The following PCDHGA11 variants were observed in gnomAD, a reference collection of about 807,000 sequenced individuals.
PCDHGA11 encodes protocadherin gamma-A11.
A neutral mutation model predicts 60.4 loss-of-function variants in PCDHGA11; 39 were observed. The observed-to-expected ratio is 0.65, with a 90% CI of 0.50 to 0.84. The LOEUF is 0.84. Ranked by LOEUF, PCDHGA11 falls within the 40% of genes least tolerant of loss-of-function variation. PCDHGA11 has a pLI of 0.00. For synonymous variants in PCDHGA11, 533 were observed against 510.3 expected, an observed-to-expected ratio of 1.04 and a Z score of -0.60; for missense variants, 1,165 against 1,197.7, an observed-to-expected ratio of 0.97 and a Z score of 0.40.
rs146734417 is a variant in PCDHGA11, at chr5:141,431,409, G to T, written c.2433+7749G>T. The T allele has an allele frequency of 1.9e-6, 3 of 1,613,722 alleles. No homozygotes were observed. Among genetic ancestry groups the T allele is most frequent in the Non-Finnish European group, 2.5e-6 (3 of 1,180,048 alleles). On this transcript the variant is annotated intron_variant, in intron 1 of 3. Transcript: ENST00000398587. This position sits in a 1 kb window ranked among gnomAD's most constrained non-coding sequence, Gnocchi z 4.8. Reference sequence around the variant, plus strand: ...CACCTGGTCCTTACGGCCTCCGACGGGGGCGACCCGGTGCGCACAGGCACC... The same window carrying T: ...CACCTGGTCCTTACGGCCTCCGACGTGGGCGACCCGGTGCGCACAGGCACC...
intron 1 of PCDHGA11, among the ~76,000 whole-genome samples, chr5:141,443,122 A>C (rs1239492679): frequency 6.6e-6 from 1 of 152,138 alleles, no homozygotes; most frequent in East Asian, 1.9e-4. Flanking sequence ...TTCAAACCAG[A>C]TTAAGAACAC....
Position 141,491,300 on chromosome 5 carries a change from G to A in PCDHGA11, c.2434-3507G>A, listed in dbSNP as rs2099710472. On this transcript the variant is annotated intron_variant, in intron 1 of 3. Coordinates refer to ENST00000398587, the MANE Select transcript of PCDHGA11 (RefSeq NM_018914.3). This position sits in a 1 kb window ranked among gnomAD's most constrained non-coding sequence, Gnocchi z 6.9. ...GACTTCCTCATACACCCTCCTGAGC[G>A]TTCAGACCTTACCCTTTACCTCATT... 1 of 1,614,136 alleles carries A rather than the reference G, an allele frequency of 6.2e-7. No homozygotes were observed. The highest frequency in any genetic ancestry group is 1.1e-5 in the South Asian group (1 of 91,086).
intron 1 of PCDHGA11, among the ~76,000 whole-genome samples, chr5:141,474,185 C>T (rs1481544975): frequency 1.3e-5 from 2 of 152,180 alleles, no homozygotes; most frequent in Non-Finnish European, 2.9e-5. Flanking sequence ...AAACTACTTA[C>T]ATTTTTAAAA....
rs778372966 is a variant in PCDHGA11, at chr5:141,477,105, A to G, written c.2434-17702A>G. The G allele has an allele frequency of 7.4e-6, 12 of 1,614,106 alleles. No individual in the cohort carries two copies. The highest frequency in any genetic ancestry group is 4.0e-5 in the African/African-American group (3 of 74,934). On this transcript the variant is annotated intron_variant, in intron 1 of 3. Transcript: ENST00000398587. This position sits in a 1 kb window ranked among gnomAD's most constrained non-coding sequence, Gnocchi z 4.9. ...ATCCAGGCCAAAGACAAGGGCGCCA[A>G]TCCCGAAGGAGCACATTGCAAAGTG...
intron 1 of PCDHGA11, chr5:141,430,441 C>A (rs1168234012): frequency 5.2e-6 from 1 of 192,346 alleles, no homozygotes; most frequent in Non-Finnish European, 1.0e-5. Flanking sequence ...GATTTCCATC[C>A]CCTTTTGAAG....
intron 1 of PCDHGA11, chr5:141,478,873 T>C: frequency 7.8e-7 from 1 of 1,274,424 alleles, no homozygotes; most frequent in African/African-American, 1.5e-5. Context: ...GATCAGAGTT[T>C]AGCTTGGTAT....
chr5:141,462,336 T>C (rs2099037439), intron 1 of PCDHGA11, among the ~76,000 whole-genome samples: 1 of 152,238 alleles, frequency 6.6e-6, no homozygotes, highest in African/African-American at 2.4e-5. Flanking sequence ...TTTAATTGTA[T>C]TGTGATCCAA....
chr5:141,478,878 T>C (rs946127535), intron 1 of PCDHGA11: 8 of 1,250,076 alleles, frequency 6.4e-6, no homozygotes, highest in Non-Finnish European at 8.6e-6. Context: ...GAGTTTAGCT[T>C]GGTATCATTT....
intron 1 of PCDHGA11, among the ~76,000 whole-genome samples, chr5:141,457,674 A>G (rs577008886): frequency 2.9e-4 from 44 of 152,256 alleles, no homozygotes; most frequent in South Asian, 2.1e-4. Flanking sequence ...GGTTATTTCT[A>G]CATAGGACTT....
Position 141,491,739 on chromosome 5 carries a change from C to T in PCDHGA11, c.2434-3068C>T. ...CGCCGCCCCGGGCGACCCCTGGGGG[C>T]GGCACTGGAGAAGCCGCCCGTCCTC... On this transcript the variant is annotated intron_variant, in intron 1 of 3. Transcript: ENST00000398587. This position sits in a 1 kb window ranked among gnomAD's most constrained non-coding sequence, Gnocchi z 6.9. The T allele has an allele frequency of 1.3e-6, 2 of 1,599,004 alleles. No individual in the cohort carries two copies. Among genetic ancestry groups the T allele is most frequent in the East Asian group, 2.3e-5 (1 of 44,194 alleles).
intron 1 of PCDHGA11, among the ~76,000 whole-genome samples, chr5:141,450,561 A>G (rs1381887193): frequency 6.6e-6 from 1 of 151,856 alleles, no homozygotes; most frequent in Admixed American, 6.6e-5. Flanking sequence ...GTCTCGGCTC[A>G]CTGCAACTTC....
chr5:141,502,250 TA>T (rs2099813542), intron 2 of PCDHGA11, among the ~76,000 whole-genome samples: 1 of 152,242 alleles, frequency 6.6e-6, no homozygotes, highest in African/African-American at 2.4e-5. Flanking sequence ...TCCTTTTTTT[TA>T]ATCCAGGATT....
Position 141,422,498 on chromosome 5 carries a change from C to G in PCDHGA11, c.1271C>G (p.Thr424Arg). Residue 424 changes from threonine to arginine, a missense_variant, in exon 1 of 4, where the codon ACA becomes AGA. Physicochemically the swap from Thr to Arg is moderately conservative, Grantham distance 71. Transcript: ENST00000398587. ...ELVQSYNITL[T>R]ATDQGSPPLS... The stretch of plus-strand genomic sequence containing the variant: ...GTCCAGAGCTACAATATAACGTTGA[C>G]AGCCACAGACCAGGGAAGCCCGCCT... The G allele has an allele frequency of 6.2e-7, 1 of 1,613,966 alleles. No homozygotes were observed.
chr5:141,428,168 C>A, intron 1 of PCDHGA11: 1 of 1,551,608 alleles, frequency 6.4e-7, no homozygotes, highest in Non-Finnish European at 8.8e-7. Context: ...GGTTGCTGTG[C>A]GTGACGGAGG....
intron 1 of PCDHGA11, among the ~76,000 whole-genome samples, chr5:141,458,829 C>T (rs2098954599): frequency 6.6e-6 from 1 of 152,108 alleles, no homozygotes; most frequent in Non-Finnish European, 1.5e-5. Context: ...GCCTCCCAGG[C>T]TCAAGTGATC....
At chr5:141,427,897 C>T (rs866283444) in intron 1 of PCDHGA11, 1 of 1,571,008 alleles carries the variant, frequency 6.4e-7, no homozygotes. Context: ...CAGGGCTCGC[C>T]CGCGCTCAGC....
In PCDHGA11 at chr5:141,491,283, C is replaced by G; in HGVS notation, c.2434-3524C>G. ...AAATGCCCAAATCCAGTGACTTCCT[C>G]ATACACCCTCCTGAGCGTTCAGACC... On this transcript the variant is annotated intron_variant, in intron 1 of 3. Coordinates refer to ENST00000398587, the MANE Select transcript of PCDHGA11 (RefSeq NM_018914.3). The surrounding 1 kb of genome is among the most constrained non-coding windows in gnomAD (Gnocchi z 6.9). The G allele has an allele frequency of 1.2e-6, 2 of 1,614,164 alleles. No homozygotes were observed.
chr5:141,494,950 A>T, intron 2 of PCDHGA11, 85 bp downstream of exon 2: 2 of 1,607,070 alleles, frequency 1.2e-6, no homozygotes, highest in African/African-American at 2.7e-5. Context: ...AGGGCCCAGC[A>T]TTTGCTACAG....
At chr5:141,478,576 G>A (rs543160289) in intron 1 of PCDHGA11, 1 of 1,585,480 alleles carries the variant, frequency 6.3e-7, no homozygotes, top group Non-Finnish European at 8.6e-7. Flanking sequence ...GCTTGACCCT[G>A]TTAGTGCTTT....
Sources: allele counts gnomAD v4.1 joint callset (sites outside exome capture counted in the v4.1 genomes callset), GRCh38; gene constraint gnomAD v4.1.1; non-coding constraint Gnocchi (gnomAD v3.1); transcripts MANE v1.5; gene names NCBI Gene and HGNC (gene_info 2026-07-23, HGNC 2026-07-21).